The following ESCO1 variants were observed in gnomAD, a reference collection of about 807,000 sequenced individuals.
ESCO1 encodes the protein N-acetyltransferase ESCO1.
ESCO1 carries 33 observed loss-of-function variants against 83.5 expected under a neutral mutation model. The observed-to-expected ratio is 0.40, with a 90% CI of 0.30 to 0.53. ESCO1 has a LOEUF of 0.53. Among genes scored for constraint, ESCO1 ranks in the 20% least tolerant of loss-of-function variants. ESCO1 has a pLI of 0.63. For missense variants in ESCO1, 855 were observed against 968.0 expected, an observed-to-expected ratio of 0.88 and a Z score of 1.55; for synonymous variants, 332 against 324.3, an observed-to-expected ratio of 1.02 and a Z score of -0.25.
chr18:21,551,339 G>A (rs947055214), intron 8 of ESCO1, among the ~76,000 whole-genome samples: 4 of 151,756 alleles, frequency 2.6e-5, no homozygotes, highest in Non-Finnish European at 4.4e-5. Flanking sequence ...GCGTAGTGGC[G>A]GCACCTGTAG....
chr18:21,585,095 C>G (rs972973750), intron 1 of ESCO1, among the ~76,000 whole-genome samples: 7 of 145,554 alleles, frequency 4.8e-5, no homozygotes, highest in African/African-American at 1.8e-4. Context: ...GAGCCGAGAT[C>G]GAGCCACTGC....
intron 8 of ESCO1, among the ~76,000 whole-genome samples, chr18:21,560,325 A>AT (rs36024258): frequency 0.76 from 108,629 of 143,006 alleles, 41,858 homozygotes; most frequent in Non-Finnish European, 0.84. Context: ...CTCTGTGGGA[A>AT]TTTTTTTTTT....
intron 8 of ESCO1, among the ~76,000 whole-genome samples, chr18:21,556,395 A>G (rs1438952326): frequency 6.6e-6 from 1 of 152,246 alleles, no homozygotes; most frequent in Non-Finnish European, 1.5e-5. Context: ...ATTAAATTAT[A>G]TGCACTCAAA....
At chr18:21,576,001 A>G (rs1182667240) in intron 2 of ESCO1, among the ~76,000 whole-genome samples, 1 of 152,228 alleles carries the variant, frequency 6.6e-6, no homozygotes, top group Non-Finnish European at 1.5e-5. Context: ...GTTGTGAAAA[A>G]AAGTTTTAAA....
rs570091754 is a variant in ESCO1 at position 21,592,212 on chromosome 18, G to A, written c.-824-7772C>T. ...ACACCTCCCAGACGGGGTGGTGGCC[G>A]GGCAGAGGGGCTCCTCACTTCCCAG... On this transcript the variant is annotated intron_variant, in intron 1 of 11. Coordinates refer to ENST00000269214, the MANE Select transcript of ESCO1 (RefSeq NM_052911.3). 1.8e-3 allele frequency among the ~76,000 whole-genome samples: 265 copies of A among 147,668 alleles called. 4 individuals carry two copies. Among genetic ancestry groups the A allele is most frequent in the Admixed American group, 0.011 (166 of 14,744 alleles).
chr18:21,553,717 C>G (rs925920866), intron 8 of ESCO1, among the ~76,000 whole-genome samples: 1 of 151,634 alleles, frequency 6.6e-6, no homozygotes, highest in African/African-American at 2.4e-5. Flanking sequence ...ATTAGCTGGG[C>G]ATGGTGGCGC....
Position 21,530,164 on chromosome 18 carries a change from A to G in ESCO1, c.*179T>C. ...AAAGATAATAAAATATCTTCTTTAA[A>G]AAACAAAACAATAAGCTATTACTGC... On this transcript the variant is annotated 3_prime_UTR_variant, in exon 12 of 12. Transcript: ENST00000269214. 1 of 431,296 alleles carries G rather than the reference A, an allele frequency of 2.3e-6. No homozygotes were observed. Among genetic ancestry groups the G allele is most frequent in the Non-Finnish European group, 4.1e-6 (1 of 245,668 alleles). 26.7% of individuals were successfully genotyped at this position (431,296 alleles called of 1,614,324 possible).
chr18:21,563,455 C>A (rs1013638392), intron 7 of ESCO1, among the ~76,000 whole-genome samples: 24 of 152,320 alleles, frequency 1.6e-4, no homozygotes, highest in Middle Eastern at 3.4e-3. Context: ...TCATGCGACT[C>A]TCCTGCCTCA....
chr18:21,564,486 G>T (rs961390873), intron 6 of ESCO1, among the ~76,000 whole-genome samples, 169 bp from the exon 7 acceptor site: 2 of 151,876 alleles, frequency 1.3e-5, no homozygotes, highest in African/African-American at 2.4e-5. Context: ...TGCCTCCTGG[G>T]TTCATGCCAT....
intron 8 of ESCO1, among the ~76,000 whole-genome samples, chr18:21,540,423 C>A (rs2037891334): frequency 6.6e-6 from 1 of 152,108 alleles, no homozygotes; most frequent in Admixed American, 6.6e-5. Context: ...CACAAACAAA[C>A]ACTCCAAGTT....
chr18:21,537,052 T>C (rs1322002206), intron 9 of ESCO1, among the ~76,000 whole-genome samples: 1 of 152,186 alleles, frequency 6.6e-6, no homozygotes, highest in Non-Finnish European at 1.5e-5. Flanking sequence ...TAAAGAACTT[T>C]CCCATGTCAG....
intron 10 of ESCO1, among the ~76,000 whole-genome samples, chr18:21,535,295 AC>A (rs1197390944): frequency 6.6e-6 from 1 of 150,918 alleles, no homozygotes; most frequent in Non-Finnish European, 1.5e-5. Flanking sequence ...GCTCACTACA[AC>A]CTCTGCCTCC....
At chr18:21,587,323 T>A (rs2038596003) in intron 1 of ESCO1, among the ~76,000 whole-genome samples, 1 of 152,212 alleles carries the variant, frequency 6.6e-6, no homozygotes, top group African/African-American at 2.4e-5. Flanking sequence ...GAAAAGTCTA[T>A]GAAGGATTGG....
At chr18:21,596,935 A>G (rs1045837690) in intron 1 of ESCO1, 5 of 152,246 alleles carry the variant, frequency 3.3e-5, no homozygotes, top group Non-Finnish European at 7.3e-5. Flanking sequence ...CATTAATTCT[A>G]AACATTCAAT....
At chr18:21,594,853 T>A (rs1037475354) in intron 1 of ESCO1, among the ~76,000 whole-genome samples, 8 of 152,096 alleles carry the variant, frequency 5.3e-5, no homozygotes, top group African/African-American at 1.9e-4. Flanking sequence ...CAACTTTAAC[T>A]TCTTAAAAGC....
chr18:21,570,410 T>G (rs897379375), intron 4 of ESCO1, among the ~76,000 whole-genome samples: 3 of 152,168 alleles, frequency 2.0e-5, no homozygotes, highest in African/African-American at 4.8e-5. Flanking sequence ...AAGGTGAAAG[T>G]CTTTTCATAG....
chr18:21,600,286 C>T (rs2038825085), intron 1 of ESCO1, among the ~76,000 whole-genome samples: 1 of 152,246 alleles, frequency 6.6e-6, no homozygotes, highest in Non-Finnish European at 1.5e-5. Context: ...TCGGGGCTCC[C>T]GGAGCCCTCG....
intron 8 of ESCO1, among the ~76,000 whole-genome samples, chr18:21,559,703 T>C (rs2038158287): frequency 1.3e-5 from 2 of 152,212 alleles, no homozygotes; most frequent in South Asian, 2.1e-4. Flanking sequence ...CTTTTCACAA[T>C]GCAAGGATAT....
intron 2 of ESCO1, among the ~76,000 whole-genome samples, chr18:21,579,940 G>A (rs1319202688): frequency 6.7e-6 from 1 of 149,594 alleles, no homozygotes; most frequent in Non-Finnish European, 1.5e-5. Flanking sequence ...CTATTGCTCA[G>A]GCTGGAGTGC....
Sources: gnomAD v4.1 joint callset for allele counts (sites outside exome capture counted in the v4.1 genomes callset) on GRCh38, gnomAD v4.1.1 for gene constraint, MANE v1.5 for transcripts, NCBI Gene and HGNC (gene_info 2026-07-23, HGNC 2026-07-21) for gene names.